The following ADAM18 variants were observed in gnomAD, a reference collection of about 807,000 sequenced individuals.
ADAM18 encodes the protein ADAM metallopeptidase domain 18.
ADAM18 carries 117 observed loss-of-function variants against 94.4 expected under a neutral mutation model. The ratio of observed to expected loss-of-function variants is 1.24; its 90% CI spans 1.07 to 1.45. The LOEUF is 1.45. Ranked by LOEUF, ADAM18 falls within the 40% of genes most tolerant of loss-of-function variation. The pLI, the probability that ADAM18 is intolerant of heterozygous loss-of-function variation, is 0.00. For synonymous variants in ADAM18, 327 were observed against 291.6 expected (o/e 1.12, Z -1.24); for missense variants, 936 against 880.0 (o/e 1.06, Z -0.81).
At chr8:39,595,530 T>C (rs993492473) in intron 2 of ADAM18, among the ~76,000 whole-genome samples, 1 of 152,160 alleles carries the variant, frequency 6.6e-6, no homozygotes, top group African/African-American at 2.4e-5. Flanking sequence ...CTGGCTGGAT[T>C]CACTCCAGGA....
intron 16 of ADAM18, among the ~76,000 whole-genome samples, chr8:39,689,791 G>A (rs1821718165): frequency 6.6e-6 from 1 of 152,208 alleles, no homozygotes; most frequent in Non-Finnish European, 1.5e-5. Flanking sequence ...CCTGGGCAAT[G>A]TGGCCATTTC....
intron 2 of ADAM18, among the ~76,000 whole-genome samples, chr8:39,603,572 T>C (rs543644610): frequency 2.6e-5 from 4 of 152,322 alleles, no homozygotes; most frequent in Admixed American, 2.0e-4. Flanking sequence ...ATAACTTTTA[T>C]ATGCACTGGG....
At chr8:39,630,291 C>T (rs1333522710) in intron 7 of ADAM18, among the ~76,000 whole-genome samples, 1 of 151,346 alleles carries the variant, frequency 6.6e-6, no homozygotes, top group Non-Finnish European at 1.5e-5. Flanking sequence ...ATTCTACTTT[C>T]AAGAATTCAT....
At chr8:39,724,946 T>TA (rs1436497936) in intron 19 of ADAM18, among the ~76,000 whole-genome samples, 34 of 18,862 alleles carry the variant, frequency 1.8e-3, no homozygotes, top group Non-Finnish European at 2.7e-3. Flanking sequence ...ATTGTAAATT[T>TA]AAAATTTTTT....
intron 7 of ADAM18, among the ~76,000 whole-genome samples, chr8:39,635,083 T>C (rs1297579221): frequency 1.3e-5 from 2 of 152,190 alleles, no homozygotes; most frequent in African/African-American, 4.8e-5. Flanking sequence ...ACTGTGTAGC[T>C]TTCTCTTCTG....
chr8:39,696,902 A>C (rs2129580989), intron 17 of ADAM18, among the ~76,000 whole-genome samples: 1 of 151,748 alleles, frequency 6.6e-6, no homozygotes, highest in South Asian at 2.1e-4. Context: ...TTGTGCAAAA[A>C]AGCATCATTG....
At chr8:39,680,614 A>G (rs1821429796) in intron 16 of ADAM18, among the ~76,000 whole-genome samples, 1 of 152,330 alleles carries the variant, frequency 6.6e-6, no homozygotes, top group African/African-American at 2.4e-5. Context: ...AAGTGTACAA[A>G]AGGTTTGGAA....
chr8:39,650,911 G>T lies in ADAM18; in HGVS notation c.1230+2384G>T, dbSNP rs544957084. On this transcript the variant is annotated intron_variant, in intron 12 of 19. Coordinates refer to ENST00000265707, the MANE Select transcript of ADAM18 (RefSeq NM_014237.3). Reference sequence around the variant, plus strand: ...TAGAGAAAGAAAAGTGGACCCAGGGGACTGGTGCTCAGCATACAGAGGACC... The same window carrying T: ...TAGAGAAAGAAAAGTGGACCCAGGGTACTGGTGCTCAGCATACAGAGGACC... Among the ~76,000 whole-genome samples, 7 of 152,212 alleles carry T rather than the reference G, an allele frequency of 4.6e-5. No homozygotes were observed. In the East Asian group the frequency reaches 1.2e-3, roughly 25 times the overall value.
chr8:39,637,292 C>G lies in ADAM18; in HGVS notation c.617C>G (p.Ala206Gly), dbSNP rs368011744. ...GATTATATGGGATCTGAAATGATGG[C>G]TGTAACACAAAAAATTGTCCAGGTT... ...LYDYMGSEMM[A>G]VTQKIVQVIG... Residue 206 changes from alanine (A) to glycine (G), a missense_variant, in exon 8 of 20, where the codon GCT becomes GGT. Physicochemically the swap from Ala to Gly is moderately conservative, Grantham distance 60. Transcript: ENST00000265707. The G allele has an allele frequency of 1.0e-5, 16 of 1,605,800 alleles. No homozygotes were observed. Among genetic ancestry groups the G allele is most frequent in the Non-Finnish European group, 1.4e-5 (16 of 1,175,954 alleles).
chr8:39,701,117 CAAAAAA>C (rs71237188), intron 17 of ADAM18, among the ~76,000 whole-genome samples: 48 of 34,550 alleles, frequency 1.4e-3, no homozygotes, highest in African/African-American at 2.2e-3. Flanking sequence ...GACTCTGTCT[CAAAAAA>C]AAAAAAAAAA....
intron 6 of ADAM18, among the ~76,000 whole-genome samples, chr8:39,613,907 A>G (rs1819355044): frequency 6.6e-6 from 1 of 152,236 alleles, no homozygotes; most frequent in Non-Finnish European, 1.5e-5. Flanking sequence ...TTGTCAAATC[A>G]ATTCAGTCAG....
chr8:39,606,228 T>A, intron 2 of ADAM18, 79 bp from the exon 3 acceptor site: 1 of 767,950 alleles, frequency 1.3e-6, no homozygotes, highest in Non-Finnish European at 2.1e-6. Context: ...AGACTCTTTT[T>A]ATTAACTTGG....
chr8:39,675,451 G>A (rs1323146151), intron 14 of ADAM18, among the ~76,000 whole-genome samples: 4 of 152,062 alleles, frequency 2.6e-5, no homozygotes, highest in African/African-American at 4.8e-5. Context: ...CGAAGTTCTC[G>A]TGCCATGGTT....
At chr8:39,722,217 GTATATATATATATATATATA>G (rs61542840) in intron 18 of ADAM18, among the ~76,000 whole-genome samples, 8,449 of 91,560 alleles carry the variant, frequency 0.092, 502 homozygotes, top group Non-Finnish European at 0.12. Flanking sequence ...GTGTGTGTGT[GTATATATATATATATATATA>G]TATATATATA....
At chr8:39,727,895 A>C (rs957817592) in intron 19 of ADAM18, among the ~76,000 whole-genome samples, 3 of 152,168 alleles carry the variant, frequency 2.0e-5, no homozygotes, top group Non-Finnish European at 4.4e-5. Flanking sequence ...AATATGAGAA[A>C]TTGAGGTCAA....
intron 12 of ADAM18, among the ~76,000 whole-genome samples, chr8:39,661,319 A>T (rs1209990269): frequency 1.8e-5 from 2 of 112,852 alleles, no homozygotes; most frequent in African/African-American, 8.2e-5. Context: ...CACCCGGCAA[A>T]TTTTTTTTTT....
chr8:39,601,290 GC>G (rs1818895659), intron 2 of ADAM18, among the ~76,000 whole-genome samples: 1 of 152,216 alleles, frequency 6.6e-6, no homozygotes, highest in African/African-American at 2.4e-5. Flanking sequence ...CTGTCTTCCA[GC>G]CCAATGTGGC....
At chr8:39,599,491 T>A (rs1000019785) in intron 2 of ADAM18, among the ~76,000 whole-genome samples, 26 of 152,262 alleles carry the variant, frequency 1.7e-4, no homozygotes, top group African/African-American at 3.4e-4. Flanking sequence ...GGCCTGGTGC[T>A]TCCTGTTGTG....
intron 18 of ADAM18, among the ~76,000 whole-genome samples, chr8:39,720,344 G>A (rs1202298241): frequency 1.3e-5 from 2 of 151,410 alleles, no homozygotes; most frequent in African/African-American, 4.8e-5. Flanking sequence ...CTTGGGAAAT[G>A]TGTATGGATT....
Sources: gnomAD v4.1 joint callset for allele counts (sites outside exome capture counted in the v4.1 genomes callset) on GRCh38, gnomAD v4.1.1 for gene constraint, MANE v1.5 for transcripts, NCBI Gene and HGNC (gene_info 2026-07-23, HGNC 2026-07-21) for gene names.